Variants in CACNA1D observed in about 807,000 individuals in gnomAD.
CACNA1D encodes voltage-dependent L-type calcium channel subunit alpha-1D.
Under a neutral mutation model 257.1 loss-of-function variants are expected in CACNA1D, and 55 were observed. That is an observed-to-expected ratio of 0.21 (90% CI 0.17 to 0.27). CACNA1D has a LOEUF of 0.27. CACNA1D is among the 10% of genes least tolerant of loss of function. The pLI is 1.00. For synonymous variants in CACNA1D, 980 were observed against 1,014.9 expected (o/e 0.97, Z 0.65); for missense variants, 1,876 against 2,784.0 (o/e 0.67, Z 7.34).
intron 3 of CACNA1D, among the ~76,000 whole-genome samples, chr3:53,643,525 C>G (rs1296289607): frequency 1.3e-5 from 2 of 152,128 alleles, no homozygotes; most frequent in Non-Finnish European, 2.9e-5. Context: ...CCGCTGCTCT[C>G]GGTTCTTGCT....
At position 53,809,963 on chromosome 3, in the gene CACNA1D, C is replaced by T; in HGVS notation, c.5872-15C>T. The T allele has an allele frequency of 6.2e-7, 1 of 1,612,868 alleles. No individual in the cohort carries two copies. Among genetic ancestry groups the T allele is most frequent in the Middle Eastern group, 1.7e-4 (1 of 6,058 alleles). ...TGAGAACCTCTGGTCTCCCAACAGTCCCCTCTTTCCTCAGATCATGGCAGT... is the reference window on the plus strand; with the variant it reads ...TGAGAACCTCTGGTCTCCCAACAGTTCCCTCTTTCCTCAGATCATGGCAGT... On this transcript the variant is annotated splice_polypyrimidine_tract_variant and intron_variant, in intron 46 of 47. Transcript: ENST00000350061.
intron 8 of CACNA1D, among the ~76,000 whole-genome samples, chr3:53,686,076 A>C (rs1215697388): frequency 6.6e-6 from 1 of 152,112 alleles, no homozygotes; most frequent in African/African-American, 2.4e-5. Context: ...AGACATTAAA[A>C]TAATAAGAGA....
intron 3 of CACNA1D, among the ~76,000 whole-genome samples, chr3:53,626,761 G>T (rs141976674): frequency 6.6e-6 from 1 of 152,312 alleles, no homozygotes; most frequent in Non-Finnish European, 1.5e-5. Flanking sequence ...ATCCTGAATT[G>T]TAACATGAAA....
chr3:53,568,437 C>A (rs185936022), intron 3 of CACNA1D, among the ~76,000 whole-genome samples: 8 of 152,306 alleles, frequency 5.3e-5, no homozygotes, highest in Admixed American at 5.2e-4. Context: ...TTCCCATTTC[C>A]CTGAGAAAAT....
At chr3:53,788,215 C>T (rs1220432677) in intron 40 of CACNA1D, among the ~76,000 whole-genome samples, 1 of 152,096 alleles carries the variant, frequency 6.6e-6, no homozygotes, top group Non-Finnish European at 1.5e-5. Flanking sequence ...TAACAGTGAC[C>T]TGCTGATTCA....
intron 3 of CACNA1D, among the ~76,000 whole-genome samples, chr3:53,589,484 G>A (rs1039257376): frequency 1.3e-5 from 2 of 152,164 alleles, no homozygotes; most frequent in Non-Finnish European, 1.5e-5. Flanking sequence ...ATCAAGGTCG[G>A]CCTTGTCCTA....
chr3:53,540,749 A>G (rs1390013523), intron 3 of CACNA1D, among the ~76,000 whole-genome samples: 1 of 152,128 alleles, frequency 6.6e-6, no homozygotes, highest in East Asian at 1.9e-4. Flanking sequence ...ATATATGTAT[A>G]TATTTTTTTG....
intron 3 of CACNA1D, among the ~76,000 whole-genome samples, chr3:53,634,388 T>G (rs1311900444): frequency 6.6e-6 from 1 of 152,232 alleles, no homozygotes; most frequent in Non-Finnish European, 1.5e-5. Flanking sequence ...GATGTGGTTT[T>G]CAGCTTTCAC....
chr3:53,804,792 G>A (rs1358504190), intron 44 of CACNA1D, among the ~76,000 whole-genome samples, 191 bp from the exon 45 acceptor site: 1 of 152,208 alleles, frequency 6.6e-6, no homozygotes. Context: ...CCTCAGCACA[G>A]GCCTCCAGTC....
intron 8 of CACNA1D, among the ~76,000 whole-genome samples, chr3:53,699,089 G>A (rs1306068310): frequency 6.6e-6 from 1 of 152,158 alleles, no homozygotes; most frequent in African/African-American, 2.4e-5. Flanking sequence ...TCGGACTTGA[G>A]GTGTGATTTT....
chr3:53,520,909 CTTTTCTT>C (rs2091547210), intron 3 of CACNA1D, among the ~76,000 whole-genome samples: 1 of 96,390 alleles, frequency 1.0e-5, no homozygotes, highest in African/African-American at 3.9e-5. Flanking sequence ...CTTTTCTTTT[CTTTTCTT>C]TTTCTTTCTT....
chr3:53,686,442 A>C (rs532460677), intron 8 of CACNA1D, among the ~76,000 whole-genome samples: 30 of 152,214 alleles, frequency 2.0e-4, no homozygotes, highest in African/African-American at 7.0e-4. Context: ...AAAAATTCTC[A>C]AATATTAGCA....
intron 3 of CACNA1D, 120 bp from the exon 4 acceptor site, chr3:53,650,659 T>G: frequency 1.9e-6 from 2 of 1,051,228 alleles, no homozygotes; most frequent in Non-Finnish European, 2.9e-6. Flanking sequence ...TAATGAAACT[T>G]TGTTTGGAGG....
rs770767466 is a variant in CACNA1D, at chr3:53,749,460, C to T, written c.3507C>T (p.Asp1169=). 29 of 1,611,920 alleles carry T rather than the reference C, an allele frequency of 1.8e-5. No homozygotes were observed. The highest frequency in any genetic ancestry group is 3.3e-4 in the Middle Eastern group (2 of 6,060). Residue 1169 remains aspartate (D), a synonymous_variant, in exon 27 of 48, where the codon GAC becomes GAT. Transcript: ENST00000350061. ...GEKEYKNCEL[D]KNQRQCVEYA... is the part of the protein sequence containing the mutation. ...AAGAGTATAAGAACTGTGAGCTGGA[C>T]AAAAATCAGGTTAAAGTCACACACT...
chr3:53,665,244 GT>G (rs1360140810), intron 5 of CACNA1D, among the ~76,000 whole-genome samples: 3 of 152,120 alleles, frequency 2.0e-5, no homozygotes, highest in African/African-American at 7.2e-5. Context: ...AGTTATTTGT[GT>G]TTAATTCTAT....
chr3:53,651,962 A>G (rs374093883), intron 4 of CACNA1D, among the ~76,000 whole-genome samples: 37 of 152,188 alleles, frequency 2.4e-4, no homozygotes, highest in African/African-American at 7.9e-4. Context: ...GGAAGTTAAT[A>G]TGAGATCCTA....
At chr3:53,581,143 C>G (rs2093125442) in intron 3 of CACNA1D, among the ~76,000 whole-genome samples, 1 of 152,196 alleles carries the variant, frequency 6.6e-6, no homozygotes, top group African/African-American at 2.4e-5. Context: ...ATGTGCAGCG[C>G]TTGTCAAAGT....
chr3:53,651,985 G>A (rs972138703), intron 4 of CACNA1D, among the ~76,000 whole-genome samples: 3 of 152,070 alleles, frequency 2.0e-5, no homozygotes, highest in Non-Finnish European at 4.4e-5. Flanking sequence ...TGCCCAGTGG[G>A]ACAATTAGAC....
chr3:53,779,077 T>C (rs999367667), intron 37 of CACNA1D, among the ~76,000 whole-genome samples: 1 of 151,978 alleles, frequency 6.6e-6, no homozygotes, highest in African/African-American at 2.4e-5. Context: ...AGCAGGAGGA[T>C]CCCTTGAGGC....
Sources: allele counts gnomAD v4.1 joint callset (sites outside exome capture counted in the v4.1 genomes callset), GRCh38; gene constraint gnomAD v4.1.1; transcripts MANE v1.5; gene names NCBI Gene and HGNC (gene_info 2026-07-23, HGNC 2026-07-21).